Variants in IGF2BP3 observed in about 807,000 individuals in gnomAD.
IGF2BP3 encodes the protein insulin like growth factor 2 mRNA binding protein 3, also known as insulin-like growth factor 2 mRNA-binding protein 3.
IGF2BP3 carries 9 observed loss-of-function variants against 73.8 expected under a neutral mutation model. That is an observed-to-expected ratio of 0.12 (90% confidence interval 0.07 to 0.21). The LOEUF (loss-of-function observed/expected upper bound fraction) is 0.21, where lower values mean the gene tolerates loss of function less well. Ranked by LOEUF, IGF2BP3 falls within the 10% of genes least tolerant of loss-of-function variation. The pLI is 1.00. For synonymous variants in IGF2BP3, 258 were observed against 256.7 expected (o/e 1.01, Z -0.05); for missense variants, 542 against 714.0 (o/e 0.76, Z 2.75).
chr7:23,450,240 T>C (rs1420795308), intron 2 of IGF2BP3, among the ~76,000 whole-genome samples: 1 of 152,216 alleles, frequency 6.6e-6, no homozygotes, highest in African/African-American at 2.4e-5. Flanking sequence ...GCACTTCTGC[T>C]ACCTATCCTG....
chr7:23,407,872 C>G (rs1237315379), intron 3 of IGF2BP3, among the ~76,000 whole-genome samples: 2 of 133,160 alleles, frequency 1.5e-5, no homozygotes, highest in Non-Finnish European at 3.0e-5. Flanking sequence ...TTAAACCAAG[C>G]AAAAAGAATA....
At chr7:23,368,623 C>A (rs1266710588) in intron 3 of IGF2BP3, among the ~76,000 whole-genome samples, 2 of 152,066 alleles carry the variant, frequency 1.3e-5, no homozygotes, top group African/African-American at 4.8e-5. Context: ...CTAGGCCGGG[C>A]GCGGTGGCTC....
intron 3 of IGF2BP3, among the ~76,000 whole-genome samples, chr7:23,370,878 C>T (rs936183159): frequency 1.3e-5 from 2 of 151,682 alleles, no homozygotes; most frequent in Non-Finnish European, 2.9e-5. Context: ...AGAGTTTTGC[C>T]ATGTTGGCCA....
chr7:23,415,512 T>C (rs111491996), intron 3 of IGF2BP3: 24 of 180,704 alleles, frequency 1.3e-4, no homozygotes, highest in East Asian at 2.4e-4. Context: ...TCGGCATCAC[T>C]GCATCCGCAG....
chr7:23,402,012 G>A (rs1020884275), intron 3 of IGF2BP3, among the ~76,000 whole-genome samples: 1 of 149,234 alleles, frequency 6.7e-6, no homozygotes, highest in Non-Finnish European at 1.5e-5. Flanking sequence ...AGCTACTCGG[G>A]AGGCTGAGGC....
At chr7:23,396,706 A>T (rs12700427) in intron 3 of IGF2BP3, among the ~76,000 whole-genome samples, 3 of 150,768 alleles carry the variant, frequency 2.0e-5, no homozygotes, top group Admixed American at 2.0e-4. Context: ...GTTGGGGGGG[A>T]AAAAAAAGAG....
intron 2 of IGF2BP3, among the ~76,000 whole-genome samples, chr7:23,454,485 T>G (rs1189992819): frequency 6.6e-6 from 1 of 152,150 alleles, no homozygotes; most frequent in Admixed American, 6.6e-5. Context: ...TACCACATGG[T>G]AAACACACAA....
At position 23,351,158 on chromosome 7, in the gene IGF2BP3, C is replaced by T. The variant is rs182566757; in HGVS notation, c.683+147G>A. On this transcript the variant is annotated intron_variant, in intron 6 of 14. Coordinates refer to ENST00000258729, the MANE Select transcript of IGF2BP3 (RefSeq NM_006547.3). ...TTTATATGAAATGAACACCAAGATA[C>T]TGCAAGATTTTTACACATTCCCAAG... is the stretch of plus-strand genomic sequence containing the variant. The T allele has an allele frequency of 6.5e-6, 5 of 772,974 alleles. No individual in the cohort carries two copies. In the East Asian group the frequency reaches 1.4e-4, roughly 21 times the overall value. The allele number at this position is 772,974 out of a possible 1,614,324, so 47.9% of individuals were successfully genotyped here.
At chr7:23,395,948 A>C (rs1364859741) in intron 3 of IGF2BP3, among the ~76,000 whole-genome samples, 1 of 151,900 alleles carries the variant, frequency 6.6e-6, no homozygotes, top group Non-Finnish European at 1.5e-5. Flanking sequence ...AAATAACAAA[A>C]ATACAAACCT....
chr7:23,354,545 C>A (rs1372655390), intron 5 of IGF2BP3, among the ~76,000 whole-genome samples: 1 of 152,150 alleles, frequency 6.6e-6, no homozygotes, highest in African/African-American at 2.4e-5. Context: ...ATATCATTCT[C>A]CCTGGGGTAA....
chr7:23,468,569 T>A (rs772311691), intron 1 of IGF2BP3, 27 bp from the exon 2 acceptor site: 1 of 1,612,314 alleles, frequency 6.2e-7, no homozygotes. Flanking sequence ...AGTGAGACGG[T>A]CGGCCGAGTT....
At chr7:23,372,280 G>A (rs573571114) in intron 3 of IGF2BP3, among the ~76,000 whole-genome samples, 21 of 152,088 alleles carry the variant, frequency 1.4e-4, no homozygotes, top group South Asian at 1.2e-3. Context: ...TCACTATGTT[G>A]GCCAGGCTGG....
intron 5 of IGF2BP3, among the ~76,000 whole-genome samples, chr7:23,352,384 G>A (rs1042530008): frequency 6.7e-6 from 1 of 148,312 alleles, no homozygotes; most frequent in African/African-American, 2.5e-5. Flanking sequence ...TGCCTCCGGG[G>A]TTCAAGAGAT....
Position 23,311,865 on chromosome 7 carries a change from CATGTT to C in IGF2BP3, c.*492_*496del, listed in dbSNP as rs2128490522. On this transcript the variant is annotated 3_prime_UTR_variant, in exon 15 of 15. Transcript: ENST00000258729. ...CATTCAGCACTTCCCTTAGGTTACT[CATGTT>C]AGTGTTAGGTAAAAATAAAACTGAG... 1 of 153,942 alleles carries C rather than the reference CATGTT, an allele frequency of 6.5e-6. No individual in the cohort carries two copies. Among genetic ancestry groups the C allele is most frequent in the East Asian group, 1.9e-4 (1 of 5,228 alleles). The allele number at this position is 153,942 out of a possible 1,614,324, so 9.5% of individuals were successfully genotyped here.
At chr7:23,374,166 TACACCCATGTTCATGGGAGC>T (rs1785646191) in intron 3 of IGF2BP3, among the ~76,000 whole-genome samples, 1 of 152,190 alleles carries the variant, frequency 6.6e-6, no homozygotes, top group Non-Finnish European at 1.5e-5. Context: ...GAAGTACTTC[TACACCCATGTTCATGGGAGC>T]ATTATTCAAA....
At chr7:23,336,152 C>T (rs1375229469) in intron 10 of IGF2BP3, among the ~76,000 whole-genome samples, 1 of 150,296 alleles carries the variant, frequency 6.7e-6, no homozygotes, top group African/African-American at 2.5e-5. Context: ...TAGAGAAATG[C>T]AACAATTCTA....
At chr7:23,394,986 G>A (rs1381249736) in intron 3 of IGF2BP3, among the ~76,000 whole-genome samples, 1 of 152,172 alleles carries the variant, frequency 6.6e-6, no homozygotes, top group Admixed American at 6.5e-5. Context: ...CATCAGATTT[G>A]CTGAGAAAGA....
At chr7:23,333,534 T>C (rs558665775) in intron 10 of IGF2BP3, among the ~76,000 whole-genome samples, 59 of 152,328 alleles carry the variant, frequency 3.9e-4, no homozygotes, top group African/African-American at 1.3e-3. Context: ...AAATGAAGCT[T>C]AAGCATAAAC....
chr7:23,452,800 C>CAAA (rs34216508), intron 2 of IGF2BP3, among the ~76,000 whole-genome samples: 7 of 114,258 alleles, frequency 6.1e-5, no homozygotes, highest in South Asian at 2.9e-4. Context: ...AGACTCATCT[C>CAAA]AAAAAAAAAA....
Sources: gnomAD v4.1 joint callset for allele counts (sites outside exome capture counted in the v4.1 genomes callset) on GRCh38, gnomAD v4.1.1 for gene constraint, MANE v1.5 for transcripts, NCBI Gene and HGNC (gene_info 2026-07-23, HGNC 2026-07-21) for gene names.